SLCO4A1: variants seen among roughly 807,000 people sequenced by gnomAD.
SLCO4A1 encodes colon organic anion transporter.
A neutral mutation model predicts 64.6 loss-of-function variants in SLCO4A1; 51 were observed. The observed-to-expected ratio is 0.79, with a 90% CI of 0.63 to 1.00. The LOEUF is 1.00. SLCO4A1 is among the 50% of genes least tolerant of loss of function. The pLI is 0.00. For synonymous variants in SLCO4A1, 471 were observed against 444.9 expected (o/e 1.06, Z -0.74); for missense variants, 919 against 980.5 (o/e 0.94, Z 0.84).
intron 1 of SLCO4A1, among the ~76,000 whole-genome samples, chr20:62,647,250 G>T (rs1416401342): frequency 1.3e-5 from 2 of 152,222 alleles, no homozygotes; most frequent in Non-Finnish European, 2.9e-5. Context: ...GTGTCTTGGG[G>T]GGCTGGTGTG....
chr20:62,656,405 A>G lies in SLCO4A1; in HGVS notation c.-50A>G. On this transcript the variant is annotated 5_prime_UTR_variant, in exon 2 of 12. Coordinates refer to ENST00000217159, the MANE Select transcript of SLCO4A1 (RefSeq NM_016354.4). ...CCACTTGGCCACTCCCGCTGAGGCC[A>G]CTCCCACTGCGTGGCTGAAGCCTCG... 1 of 1,428,450 alleles carries G rather than the reference A, an allele frequency of 7.0e-7. No homozygotes were observed. The highest frequency in any genetic ancestry group is 9.2e-7 in the Non-Finnish European group (1 of 1,087,038). 88.5% of individuals were successfully genotyped at this position (1,428,450 alleles called of 1,614,324 possible). A position where few individuals can be genotyped will look rare whatever the true frequency, so the allele number is the denominator to read the frequency against.
downstream of SLCO4A1, among the ~76,000 whole-genome samples, chr20:62,673,451 G>C (rs185881689): frequency 7.0e-6 from 1 of 143,558 alleles, no homozygotes; most frequent in Non-Finnish European, 1.6e-5. Context: ...GGGCAGTGCC[G>C]GCTTCCAGTG....
At chr20:62,664,879 C>T in intron 5 of SLCO4A1, 55 bp from the exon 6 acceptor site, 1 of 1,521,068 alleles carries the variant, frequency 6.6e-7, no homozygotes, top group Non-Finnish European at 8.8e-7. Flanking sequence ...ACACCCCGAC[C>T]TCTGCCCACC....
intron 3 of SLCO4A1, among the ~76,000 whole-genome samples, chr20:62,659,929 C>T (rs1327344523): frequency 6.6e-6 from 1 of 152,258 alleles, no homozygotes; most frequent in Admixed American, 6.5e-5. Context: ...GGTTATTTTC[C>T]ACTCGCCTTT....
chr20:62,654,714 C>T (rs187581886), intron 1 of SLCO4A1, among the ~76,000 whole-genome samples: 3 of 152,288 alleles, frequency 2.0e-5, no homozygotes, highest in African/African-American at 7.2e-5. Flanking sequence ...CTTCCAGAAG[C>T]GCCGGGGTCC....
intron 5 of SLCO4A1, among the ~76,000 whole-genome samples, chr20:62,663,914 T>C (rs1414913513): frequency 1.3e-5 from 2 of 152,204 alleles, no homozygotes; most frequent in Non-Finnish European, 2.9e-5. Flanking sequence ...TCTCAGCATC[T>C]TATGCGCTTA....
intron 5 of SLCO4A1, among the ~76,000 whole-genome samples, chr20:62,662,540 A>G (rs375443279): frequency 2.0e-5 from 3 of 152,362 alleles, no homozygotes; most frequent in African/African-American, 7.2e-5. Flanking sequence ...ATCATGGGAC[A>G]TGTTCCCTTT....
intron 1 of SLCO4A1, among the ~76,000 whole-genome samples, 185 bp downstream of exon 1, chr20:62,642,738 G>A (rs187946095): frequency 0.017 from 2,635 of 152,222 alleles, 62 homozygotes; most frequent in African/African-American, 0.06. Context: ...AGGACCGAGC[G>A]GAATCGGAGG....
At chr20:62,660,944 TCAGA>T in intron 4 of SLCO4A1, 116 bp from the exon 5 acceptor site, 1 of 698,464 alleles carries the variant, frequency 1.4e-6, no homozygotes, top group East Asian at 2.7e-5. Context: ...TGCAGGGATG[TCAGA>T]CAGTGACGTT....
chr20:62,683,940 C>T (rs1987950947), intron 2 of SLCO4A1, among the ~76,000 whole-genome samples: 1 of 133,434 alleles, frequency 7.5e-6, no homozygotes, highest in Non-Finnish European at 1.6e-5. Flanking sequence ...CACGCGCTTC[C>T]CACACACGCT....
downstream of SLCO4A1, among the ~76,000 whole-genome samples, chr20:62,686,095 A>G (rs1473057841): frequency 6.6e-6 from 1 of 152,094 alleles, no homozygotes; most frequent in Non-Finnish European, 1.5e-5. Context: ...TATCGCGGCC[A>G]CTTCCCATCT....
At chr20:62,673,177 G>C (rs1415274287), downstream of SLCO4A1, among the ~76,000 whole-genome samples, 1 of 142,752 alleles carries the variant, frequency 7.0e-6, no homozygotes, top group African/African-American at 2.5e-5. Flanking sequence ...GGGGGGCACA[G>C]AGGGCCAAGT....
At chr20:62,683,620 A>G (rs118042746) in intron 2 of SLCO4A1, among the ~76,000 whole-genome samples, 5,030 of 152,286 alleles carry the variant, frequency 0.033, 138 homozygotes, top group South Asian at 0.098. Flanking sequence ...TAGAGACACA[A>G]ATGCTCACTG....
rs764930822 is a variant in SLCO4A1 at position 62,665,094 on chromosome 20, A to T, written c.1276+6A>T. 1.9e-6 allele frequency: 3 copies of T among 1,601,600 alleles called. No homozygotes were observed. The Admixed American group carries it at 5.3e-5, about 28-fold the overall frequency. ...AGAAGCTGCCACCTTGTTTGGTGAG[A>T]AAACTGAATCTTGGGGGTCCTCTGC... On this transcript the variant is annotated splice_donor_region_variant and intron_variant, in intron 6 of 11. Transcript: ENST00000217159.
chr20:62,671,755 G>A lies in SLCO4A1; in HGVS notation c.2031G>A (p.Leu677=). ...GCGGGCTCCTCTCTCCCCAGGTGCT[G>A]GGCGTCCTCTTCTTTGCCATAGCCT... ...ILIMGLLYKV[L]GVLFFAIACF... Residue 677 remains leucine (L), a synonymous_variant, in exon 12 of 12, where the codon CTG becomes CTA. Transcript: ENST00000217159. 1 of 1,613,044 alleles carries A rather than the reference G, an allele frequency of 6.2e-7. No homozygotes were observed. Among genetic ancestry groups the A allele is most frequent in the Non-Finnish European group, 8.5e-7 (1 of 1,179,592 alleles).
downstream of SLCO4A1, among the ~76,000 whole-genome samples, chr20:62,675,973 T>C (rs1987573520): frequency 6.6e-6 from 1 of 152,196 alleles, no homozygotes; most frequent in African/African-American, 2.4e-5. Context: ...CGAGAGATTT[T>C]CCACGGCTGC....
chr20:62,688,359 C>A (rs570272538), downstream of SLCO4A1, among the ~76,000 whole-genome samples: 1 of 152,102 alleles, frequency 6.6e-6, no homozygotes, highest in Admixed American at 6.6e-5. Flanking sequence ...TACCCATGCA[C>A]CCCCCAGCCC....
chr20:62,679,957 C>T (rs911135445), intron 2 of SLCO4A1, among the ~76,000 whole-genome samples: 1 of 152,174 alleles, frequency 6.6e-6, no homozygotes, highest in East Asian at 1.9e-4. Flanking sequence ...ACCCTCTACA[C>T]GAAACAGAGA....
intron 7 of SLCO4A1, 128 bp downstream of exon 7, chr20:62,666,703 C>G (rs1375435852): frequency 1.2e-6 from 1 of 813,490 alleles, no homozygotes; most frequent in African/African-American, 1.7e-5. Context: ...AGGACAGCGG[C>G]AAGGGCAACA....
Sources: allele counts gnomAD v4.1 joint callset (sites outside exome capture counted in the v4.1 genomes callset), GRCh38; gene constraint gnomAD v4.1.1; transcripts MANE v1.5; gene names NCBI Gene and HGNC (gene_info 2026-07-23, HGNC 2026-07-21).